Variants in FAM168A observed in about 807,000 individuals in gnomAD.
FAM168A encodes the protein protein FAM168A.
In FAM168A, 3 loss-of-function variants were observed where a neutral mutation model predicts 28.5. That is an observed-to-expected ratio of 0.11 (90% CI 0.05 to 0.27). The LOEUF (loss-of-function observed/expected upper bound fraction) is 0.27, where lower values mean the gene tolerates loss of function less well. Ranked by LOEUF, FAM168A falls within the 10% of genes least tolerant of loss-of-function variation. The pLI is 1.00. For missense variants in FAM168A, 222 were observed against 311.5 expected (o/e 0.71, Z 2.16); for synonymous variants, 122 against 124.2 (o/e 0.98, Z 0.12).
At chr11:73,571,243 C>A (rs1052658895) in intron 1 of FAM168A, among the ~76,000 whole-genome samples, 2 of 112,720 alleles carry the variant, frequency 1.8e-5, no homozygotes, top group Admixed American at 8.4e-5. Context: ...CTCCCCCCCC[C>A]CTCCCCACAG....
At chr11:73,410,689 C>G (rs1372894225) in intron 5 of FAM168A, 2 of 152,138 alleles carry the variant, frequency 1.3e-5, no homozygotes, top group Non-Finnish European at 2.9e-5. Flanking sequence ...GGCTTGAGAT[C>G]AATTTAAGTT....
At position 73,544,283 on chromosome 11, in the gene FAM168A, T is replaced by C. The variant is rs181506747; in HGVS notation, c.-19+53640A>G. Among the ~76,000 whole-genome samples the C allele has an allele frequency of 2.6e-3, 401 of 152,044 alleles. 3 individuals carry two copies. Among genetic ancestry groups the C allele is most frequent in the African/African-American group, 9.3e-3 (385 of 41,440 alleles). On this transcript the variant is annotated intron_variant, in intron 1 of 7. Coordinates refer to ENST00000356467, the MANE Select transcript of FAM168A (RefSeq NM_015159.3). ...TAAAAGAAAAAAGACAAATAACAAG[T>C]GATTACAAGGATGTGGAGAAGAAAA... is the stretch of plus-strand genomic sequence containing the variant.
chr11:73,505,611 G>A (rs1590821233), intron 1 of FAM168A, among the ~76,000 whole-genome samples: 1 of 152,314 alleles, frequency 6.6e-6, no homozygotes, highest in Middle Eastern at 3.4e-3. Flanking sequence ...TACCAGGACA[G>A]AAGTTACAAT....
intron 2 of FAM168A, among the ~76,000 whole-genome samples, chr11:73,446,052 T>C (rs1867307650): frequency 6.6e-6 from 1 of 152,192 alleles, no homozygotes; most frequent in Admixed American, 6.5e-5. Context: ...TTTTTCCTTT[T>C]AACATTAAGG....
intron 1 of FAM168A, among the ~76,000 whole-genome samples, chr11:73,508,621 G>T (rs1391569213): frequency 2.6e-5 from 4 of 151,966 alleles, no homozygotes; most frequent in South Asian, 2.1e-4. Context: ...GGTGTTTAGG[G>T]GTGTGTGCAT....
At chr11:73,564,320 G>C (rs1445199534) in intron 1 of FAM168A, among the ~76,000 whole-genome samples, 1 of 152,146 alleles carries the variant, frequency 6.6e-6, no homozygotes, top group African/African-American at 2.4e-5. Context: ...CCATTGCTGA[G>C]ATAAGAAGGA....
chr11:73,412,338 T>G (rs1160317525), intron 4 of FAM168A: 1 of 152,164 alleles, frequency 6.6e-6, no homozygotes, highest in East Asian at 1.9e-4. Flanking sequence ...CACATCAACC[T>G]GGAACCTGGG....
intron 1 of FAM168A, among the ~76,000 whole-genome samples, chr11:73,568,169 A>C (rs1292680572): frequency 6.6e-6 from 1 of 152,242 alleles, no homozygotes; most frequent in East Asian, 1.9e-4. Context: ...TAAAATGAGA[A>C]TAAGAGTTGG....
chr11:73,498,977 C>T (rs1226462432), intron 1 of FAM168A, among the ~76,000 whole-genome samples: 1 of 152,098 alleles, frequency 6.6e-6, no homozygotes, highest in African/African-American at 2.4e-5. Context: ...GAGTGGGTAT[C>T]CCCCCAGCGG....
intron 1 of FAM168A, among the ~76,000 whole-genome samples, chr11:73,546,524 G>A (rs1943755425): frequency 6.6e-6 from 1 of 152,216 alleles, no homozygotes; most frequent in African/African-American, 2.4e-5. Flanking sequence ...CCTGAGGTCA[G>A]GAGTTCAAGA....
At chr11:73,542,771 C>T (rs1211206552) in intron 1 of FAM168A, among the ~76,000 whole-genome samples, 1 of 152,160 alleles carries the variant, frequency 6.6e-6, no homozygotes, top group Non-Finnish European at 1.5e-5. Context: ...CTCCTTGCTC[C>T]ATACTACAGT....
intron 1 of FAM168A, among the ~76,000 whole-genome samples, chr11:73,537,599 G>A (rs1943598643): frequency 6.6e-6 from 1 of 152,276 alleles, no homozygotes; most frequent in Admixed American, 6.5e-5. Flanking sequence ...TCAGCTTATT[G>A]TGAAGCAAAT....
At chr11:73,444,000 C>G (rs981732043) in intron 2 of FAM168A, among the ~76,000 whole-genome samples, 5 of 152,262 alleles carry the variant, frequency 3.3e-5, no homozygotes. Flanking sequence ...GATATTTCCT[C>G]CTCTGGCTAT....
At chr11:73,411,794 A>G (rs552851276) in intron 4 of FAM168A, among the ~76,000 whole-genome samples, 1 of 152,086 alleles carries the variant, frequency 6.6e-6, no homozygotes, top group Non-Finnish European at 1.5e-5. Flanking sequence ...CTCATCTATA[A>G]AATAAGAGGC....
At chr11:73,566,547 T>C (rs1287264108) in intron 1 of FAM168A, among the ~76,000 whole-genome samples, 2 of 152,180 alleles carry the variant, frequency 1.3e-5, no homozygotes, top group Non-Finnish European at 2.9e-5. Flanking sequence ...CTACACTTGA[T>C]TGCCAATGAA....
chr11:73,556,342 T>G (rs1943889080), intron 1 of FAM168A, among the ~76,000 whole-genome samples: 1 of 151,350 alleles, frequency 6.6e-6, no homozygotes, highest in Non-Finnish European at 1.5e-5. Context: ...AAGTGAGAAT[T>G]GTCACTTTTA....
intron 1 of FAM168A, among the ~76,000 whole-genome samples, chr11:73,592,129 G>A (rs375087620): frequency 8.5e-5 from 13 of 152,298 alleles, no homozygotes; most frequent in African/African-American, 2.4e-4. Context: ...GAAGTTTACT[G>A]TGAAAAATAT....
intron 1 of FAM168A, among the ~76,000 whole-genome samples, chr11:73,552,086 A>C (rs1565295194): frequency 6.6e-6 from 1 of 152,218 alleles, no homozygotes; most frequent in Admixed American, 6.5e-5. Flanking sequence ...TTGACCTCAC[A>C]GTGCCTTAGC....
intron 2 of FAM168A, among the ~76,000 whole-genome samples, chr11:73,442,173 T>C (rs1163701068): frequency 6.6e-6 from 1 of 150,842 alleles, no homozygotes; most frequent in African/African-American, 2.4e-5. Context: ...TCGCCCAGGC[T>C]GGAGTGCAAT....
Sources: gnomAD v4.1 joint callset for allele counts (sites outside exome capture counted in the v4.1 genomes callset) on GRCh38, gnomAD v4.1.1 for gene constraint, MANE v1.5 for transcripts, NCBI Gene and HGNC (gene_info 2026-07-23, HGNC 2026-07-21) for gene names.